The following HIF3A variants were observed in gnomAD, a reference collection of about 807,000 sequenced individuals.
The protein encoded by HIF3A is hypoxia-inducible factor 3-alpha.
HIF3A carries 41 observed loss-of-function variants against 67.2 expected under a neutral mutation model. That is an observed-to-expected ratio of 0.61 (90% CI 0.48 to 0.79). The LOEUF is 0.79. HIF3A is among the 30% of genes least tolerant of loss of function. The pLI is 0.00. For missense variants in HIF3A, 855 were observed against 898.0 expected (o/e 0.95, Z 0.61); for synonymous variants, 356 against 374.8 (o/e 0.95, Z 0.58).
chr19:46,302,869 G>A (rs773480081), intron 1 of HIF3A, among the ~76,000 whole-genome samples: 6 of 152,198 alleles, frequency 3.9e-5, no homozygotes, highest in Non-Finnish European at 5.9e-5. Context: ...GCGACAGCCT[G>A]TCTCAAAAGA....
At chr19:46,304,295 C>G in intron 2 of HIF3A, 2 of 591,186 alleles carry the variant, frequency 3.4e-6, no homozygotes, top group Non-Finnish European at 6.0e-6. Context: ...TGCTGGGAGT[C>G]CCGCCCCCCT....
At chr19:46,337,051 C>T (rs372748798) in intron 14 of HIF3A, among the ~76,000 whole-genome samples, 6 of 151,714 alleles carry the variant, frequency 4.0e-5, no homozygotes, top group African/African-American at 1.5e-4. Context: ...ATAAGTGTAA[C>T]GGGGAAATAA....
At position 46,322,613 on chromosome 19, in the gene HIF3A, G is replaced by A. The variant is rs181000062; in HGVS notation, c.1335+647G>A. Among the ~76,000 whole-genome samples the A allele has an allele frequency of 3.4e-3, 515 of 151,650 alleles. 1 individual carries two copies. The highest frequency in any genetic ancestry group is 5.9e-3 in the Non-Finnish European group (398 of 67,856). The stretch of plus-strand genomic sequence containing the variant: ...TGCCACCACACCTGGTTAATTTTTT[G>A]TATTTTTAGTAGAGGCAGGGTTTCA... On this transcript the variant is annotated intron_variant, in intron 10 of 14. Transcript: ENST00000377670.
chr19:46,325,958 C>A (rs939318129), intron 11 of HIF3A, among the ~76,000 whole-genome samples: 3 of 152,174 alleles, frequency 2.0e-5, no homozygotes, highest in African/African-American at 7.2e-5. Flanking sequence ...TATTAGTTAT[C>A]TACTGTTGTG....
intron 8 of HIF3A, chr19:46,312,928 A>G (rs1969590293): frequency 4.8e-5 from 45 of 946,264 alleles, no homozygotes; most frequent in Non-Finnish European, 5.5e-5. Flanking sequence ...ACCTCTGCTT[A>G]AGTGGATTGT....
rs554163625 is a variant in HIF3A at position 46,329,917 on chromosome 19, T to G, written c.1712+439T>G. On this transcript the variant is annotated intron_variant, in intron 12 of 14. Transcript: ENST00000377670. ...TCGAGGCTGCAGCGAGCTGTGCTTG[T>G]GCCACTGCACTCCAGCCTGGGCAAT... Among the ~76,000 whole-genome samples the G allele has an allele frequency of 2.2e-5, 3 of 135,768 alleles. No individual in the cohort carries two copies. In the South Asian group the frequency reaches 6.8e-4, roughly 31 times the overall value. The allele number at this position is 135,768 out of a possible 152,430, so 89.1% of individuals were successfully genotyped here.
intron 8 of HIF3A, among the ~76,000 whole-genome samples, chr19:46,315,662 C>T (rs899794507): frequency 6.6e-6 from 1 of 152,154 alleles, no homozygotes; most frequent in South Asian, 2.1e-4. Context: ...GCCTGTAATC[C>T]CAGCACTTTG....
rs1468507916 is a variant in HIF3A, at chr19:46,342,504, G to A, written c.*2882G>A. ...CCCTCCTTGGCCTCACCAAAGTGCT[G>A]GGACTACAGGCATGAGCCACTGAGC... On this transcript the variant is annotated 3_prime_UTR_variant, in exon 15 of 15. Transcript: ENST00000377670. 1 of 152,026 alleles carries A rather than the reference G, an allele frequency of 6.6e-6. No individual in the cohort carries two copies. The highest frequency in any genetic ancestry group is 1.5e-5 in the Non-Finnish European group (1 of 68,032). 9.4% of individuals were successfully genotyped at this position (152,026 alleles called of 1,614,324 possible).
intron 10 of HIF3A, 119 bp from the exon 11 acceptor site, chr19:46,325,415 CT>C (rs1163116461): frequency 2.8e-6 from 2 of 706,808 alleles, no homozygotes; most frequent in East Asian, 5.0e-5. Context: ...GTTGGACCCC[CT>C]TTGTGCCCCA....
At chr19:46,299,439 G>A (rs115702008) in intron 1 of HIF3A, among the ~76,000 whole-genome samples, 5,548 of 152,296 alleles carry the variant, frequency 0.036, 221 homozygotes, top group African/African-American at 0.087. Context: ...ATACGGGCAG[G>A]CCGGGTGCGG....
At chr19:46,298,209 C>CCCCCCCCCCCT in intron 1 of HIF3A, 1 of 334,536 alleles carries the variant, frequency 3.0e-6, no homozygotes, top group Non-Finnish European at 6.0e-6. Context: ...TTTCTAACCG[C>CCCCCCCCCCCT]CCCCATCCTC....
Position 46,305,281 on chromosome 19 carries a change from T to C in HIF3A, c.254T>C (p.Leu85Pro). 2 of 1,614,054 alleles carry C rather than the reference T, an allele frequency of 1.2e-6. No homozygotes were observed. Among genetic ancestry groups the C allele is most frequent in the Admixed American group, 1.7e-5 (1 of 60,012 alleles). ...CAGGTGGGAGCAGGGGGAGAACCAC[T>C]GGATGCCTGCTACCTGAAGGCCCTG... ...WNQVGAGGEPLDACYLKALEG... is the reference protein window; with the variant it reads ...WNQVGAGGEPPDACYLKALEG... The change falls in exon 3 of 15, where the codon CTG (leucine) becomes CCG (proline). Residue 85 changes from leucine to proline, a missense_variant. Transcript: ENST00000377670.
At chr19:46,302,734 C>T (rs1042899101) in intron 1 of HIF3A, among the ~76,000 whole-genome samples, 10 of 152,038 alleles carry the variant, frequency 6.6e-5, no homozygotes, top group African/African-American at 2.4e-4. Context: ...ATTAGCTGGG[C>T]GTGCTGATAC....
At position 46,308,345 on chromosome 19, in the gene HIF3A, A is replaced by T. The variant is rs200027089; in HGVS notation, c.448+40A>T. 85 of 1,261,670 alleles carry T rather than the reference A, an allele frequency of 6.7e-5. No homozygotes were observed. In the African/African-American group the frequency reaches 9.8e-4, roughly 15 times the overall value. 78.2% of individuals were successfully genotyped at this position (1,261,670 alleles called of 1,614,324 possible). Reference sequence around the variant, plus strand: ...GGCCTCTGTCCCCACCATACAGAGGAGGAAGCTGAGGCTCCACCCCTCCCT... The same window carrying T: ...GGCCTCTGTCCCCACCATACAGAGGTGGAAGCTGAGGCTCCACCCCTCCCT... On this transcript the variant is annotated intron_variant, in intron 4 of 14. Transcript: ENST00000377670.
chr19:46,320,468 C>A lies in HIF3A; in HGVS notation c.1051C>A (p.Leu351Met), dbSNP rs1319300939. The A allele has an allele frequency of 1.9e-6, 3 of 1,614,018 alleles. No individual in the cohort carries two copies. The Admixed American group carries it at 5.0e-5, about 27-fold the overall frequency. Residue 351 changes from leucine (L) to methionine (M), a missense_variant, in exon 9 of 15, where the codon CTG (leucine) becomes ATG (methionine). Physicochemically the swap from Leu to Met is conservative, Grantham distance 15 (BLOSUM62 2). This residue lies in a region of HIF3A where 638 missense variants were observed against 660.5 expected (regional missense o/e 0.97). Coordinates refer to ENST00000377670, the MANE Select transcript of HIF3A (RefSeq NM_152795.4). The part of the protein sequence containing the change: ...ISQVEETGVV[L>M]SLEQTEQHSR... Reference sequence around the variant, plus strand: ...CCAGGTGGAAGAGACCGGAGTGGTGCTGTCCCTGGAGCAAACGGAGCAACA... The same window carrying A: ...CCAGGTGGAAGAGACCGGAGTGGTGATGTCCCTGGAGCAAACGGAGCAACA...
intron 14 of HIF3A, among the ~76,000 whole-genome samples, chr19:46,336,154 T>C (rs1424008844): frequency 5.0e-5 from 7 of 140,262 alleles, no homozygotes; most frequent in Non-Finnish European, 1.1e-4. Flanking sequence ...AGTGCAGCCG[T>C]GCGATCTTGG....
At position 46,297,075 on chromosome 19, in the gene HIF3A, C is replaced by G; in HGVS notation, c.-2C>G. ...GGGCTCCGGAGCGGCGACTGGCGAGCCATGGCGCTGGGGCTGCAGCGCGCA... is the reference window on the plus strand; with the variant it reads ...GGGCTCCGGAGCGGCGACTGGCGAGGCATGGCGCTGGGGCTGCAGCGCGCA... On this transcript the variant is annotated 5_prime_UTR_variant, in exon 1 of 15. Coordinates refer to ENST00000377670, the MANE Select transcript of HIF3A (RefSeq NM_152795.4). This position sits in a 1 kb window ranked among gnomAD's most constrained non-coding sequence, Gnocchi z 4.5. The G allele has an allele frequency of 7.6e-7, 1 of 1,307,196 alleles. No individual in the cohort carries two copies. Among genetic ancestry groups the G allele is most frequent in the Non-Finnish European group, 9.8e-7 (1 of 1,018,432 alleles). 81.0% of individuals were successfully genotyped at this position (1,307,196 alleles called of 1,614,324 possible).
Position 46,336,781 on chromosome 19 carries a change from G to A in HIF3A, c.1912+1795G>A, listed in dbSNP as rs551896099. ...GCAGGCGGACCACCTGAGGTGAGGA[G>A]TTCAAGACCAGCCTGGCCAACATGG... On this transcript the variant is annotated intron_variant, in intron 14 of 14. Coordinates refer to ENST00000377670, the MANE Select transcript of HIF3A (RefSeq NM_152795.4). Among the ~76,000 whole-genome samples the A allele has an allele frequency of 4.9e-4, 74 of 152,182 alleles. No homozygotes were observed. The East Asian group carries it at 0.014, about 29-fold the overall frequency.
rs1285263589 is a variant in HIF3A, at chr19:46,342,394, T to A, written c.*2772T>A. 3 of 143,312 alleles carry A rather than the reference T, an allele frequency of 2.1e-5. No individual in the cohort carries two copies. The highest frequency in any genetic ancestry group is 3.9e-4 in the East Asian group (2 of 5,144). 8.9% of individuals were successfully genotyped at this position (143,312 alleles called of 1,614,324 possible). The stretch of plus-strand genomic sequence containing the variant: ...CAGATTTTAGGCTTTTGTTTTTCCT[T>A]TTTTTTGTTAAAAAAAAAAAAATAG... On this transcript the variant is annotated 3_prime_UTR_variant, in exon 15 of 15. Coordinates refer to ENST00000377670, the MANE Select transcript of HIF3A (RefSeq NM_152795.4).
Sources: gnomAD v4.1 joint callset for allele counts (sites outside exome capture counted in the v4.1 genomes callset) on GRCh38, gnomAD v4.1.1 for gene constraint, gnomAD v4.1.1 regional missense constraint, Gnocchi (gnomAD v3.1) non-coding constraint, MANE v1.5 for transcripts, NCBI Gene and HGNC (gene_info 2026-07-23, HGNC 2026-07-21) for gene names.